The following LSAMP variants were observed in gnomAD, a reference collection of about 807,000 sequenced individuals.
LSAMP encodes limbic system associated membrane protein.
LSAMP carries 7 observed loss-of-function variants against 38.6 expected under a neutral mutation model. The observed-to-expected ratio is 0.18, with a 90% CI of 0.10 to 0.34. The LOEUF (loss-of-function observed/expected upper bound fraction) is 0.34. Ranked by LOEUF, LSAMP falls within the 10% of genes least tolerant of loss-of-function variation. The probability of loss-of-function intolerance (pLI) is 1.00; values close to 1 mark genes in which losing one functional copy is unlikely to be tolerated. For missense variants in LSAMP, 313 were observed against 420.0 expected, an observed-to-expected ratio of 0.75 and a Z score of 2.23; for synonymous variants, 154 against 166.8, an observed-to-expected ratio of 0.92 and a Z score of 0.59.
intron 1 of LSAMP, among the ~76,000 whole-genome samples, chr3:116,384,663 G>T (rs2048603060): frequency 6.6e-6 from 1 of 152,108 alleles, no homozygotes. Flanking sequence ...CTCAGTACAT[G>T]CAAACGTTCT....
rs551916102 is a variant in LSAMP, at chr3:115,851,858, C to T, written c.649+625G>A. Among the ~76,000 whole-genome samples the T allele has an allele frequency of 2.0e-5, 3 of 152,208 alleles. No individual in the cohort carries two copies. The South Asian group carries it at 6.2e-4, about 32-fold the overall frequency. ...CCCCCGCCCACCCTCTTTTGAACTA[C>T]ATCTAAGAATCCTTTCATCCGAGAA... On this transcript the variant is annotated intron_variant, in intron 4 of 6. Coordinates refer to ENST00000490035, the MANE Select transcript of LSAMP (RefSeq NM_002338.5).
chr3:116,017,100 T>C (rs1171024386), intron 3 of LSAMP, among the ~76,000 whole-genome samples: 2 of 152,144 alleles, frequency 1.3e-5, no homozygotes, highest in African/African-American at 4.8e-5. Flanking sequence ...AGTCACATGT[T>C]CATTATCATG....
At chr3:116,078,241 G>A (rs1040415404) in intron 2 of LSAMP, among the ~76,000 whole-genome samples, 46 of 151,238 alleles carry the variant, frequency 3.0e-4, no homozygotes, top group African/African-American at 1.1e-3. Context: ...CCTTCTATTA[G>A]TTAGCATTCT....
chr3:116,074,981 C>T (rs912350412), intron 2 of LSAMP, among the ~76,000 whole-genome samples: 2 of 151,250 alleles, frequency 1.3e-5, no homozygotes, highest in Admixed American at 6.6e-5. Context: ...GAATTACAGA[C>T]ATGTGCCACC....
chr3:116,419,655 C>A (rs1015284453), intron 1 of LSAMP, among the ~76,000 whole-genome samples: 3 of 151,932 alleles, frequency 2.0e-5, no homozygotes, highest in African/African-American at 4.8e-5. Flanking sequence ...TCAATAGGGA[C>A]AAGGCAGACT....
rs192328838 is a variant in LSAMP at position 116,255,869 on chromosome 3, T to G, written c.156-169313A>C. ...CCTATGCTAGAGGCAAAAACCACAC[T>G]TTAGTAGGAGATACTGCTGAGAGGT... On this transcript the variant is annotated intron_variant, in intron 1 of 6. Transcript: ENST00000490035. 8.9e-4 allele frequency among the ~76,000 whole-genome samples: 135 copies of G among 152,296 alleles called. 1 individual carries two copies. The highest frequency in any genetic ancestry group is 3.1e-3 in the African/African-American group (130 of 41,572).
intron 3 of LSAMP, among the ~76,000 whole-genome samples, chr3:115,939,566 T>TTCTTTCTTTCTTTCTTTCTTTC (rs1937831497): frequency 9.5e-6 from 1 of 105,686 alleles, no homozygotes; most frequent in Admixed American, 1.1e-4. Context: ...CTTTCTTTCT[T>TTCTTTCTTTCTTTCTTTCTTTC]TCTTTCTTTC....
chr3:116,138,410 A>C (rs1709297341), intron 1 of LSAMP, among the ~76,000 whole-genome samples: 1 of 152,112 alleles, frequency 6.6e-6, no homozygotes, highest in Admixed American at 6.6e-5. Flanking sequence ...ATATTAGGGA[A>C]ATAGTAGAAA....
intron 4 of LSAMP, among the ~76,000 whole-genome samples, chr3:115,848,872 G>T (rs974716224): frequency 3.3e-5 from 5 of 152,156 alleles, no homozygotes; most frequent in Non-Finnish European, 5.9e-5. Flanking sequence ...ATTTCTCCAG[G>T]AATAGGAAAA....
rs146390277 is a variant in LSAMP at position 115,871,135 on chromosome 3, T to C, written c.515-18518A>G. ...GAATAGTATTATTCCAAATTCACAG[T>C]AAATCTCTTTCTCATTTTATGCTGC... On this transcript the variant is annotated intron_variant, in intron 3 of 6. Coordinates refer to ENST00000490035, the MANE Select transcript of LSAMP (RefSeq NM_002338.5). Among the ~76,000 whole-genome samples the C allele has an allele frequency of 1.3e-3, 195 of 152,282 alleles. 2 individuals carry two copies. Among genetic ancestry groups the C allele is most frequent in the African/African-American group, 4.5e-3 (188 of 41,562 alleles).
intron 2 of LSAMP, among the ~76,000 whole-genome samples, chr3:116,050,468 A>C (rs1002262969): frequency 1.3e-5 from 2 of 152,122 alleles, no homozygotes; most frequent in Non-Finnish European, 2.9e-5. Context: ...CTCACCAAAA[A>C]AGCCCTGTAA....
chr3:116,257,811 G>C (rs72947956), intron 1 of LSAMP, among the ~76,000 whole-genome samples: 5,763 of 152,192 alleles, frequency 0.038, 364 homozygotes, highest in African/African-American at 0.13. Flanking sequence ...AGTTAAATCA[G>C]TGAATGGTTA....
At chr3:115,954,585 A>G (rs1173652005) in intron 3 of LSAMP, among the ~76,000 whole-genome samples, 6 of 152,232 alleles carry the variant, frequency 3.9e-5, no homozygotes, top group African/African-American at 1.4e-4. Context: ...TAGAGCATTC[A>G]TTTGCACTAA....
At chr3:116,121,029 A>T (rs1225132006) in intron 1 of LSAMP, among the ~76,000 whole-genome samples, 2 of 152,224 alleles carry the variant, frequency 1.3e-5, no homozygotes, top group African/African-American at 4.8e-5. Flanking sequence ...AAGAACACTC[A>T]GACTAGGGGC....
intron 2 of LSAMP, among the ~76,000 whole-genome samples, chr3:116,084,318 T>C (rs911244832): frequency 1.3e-5 from 2 of 151,562 alleles, no homozygotes; most frequent in Non-Finnish European, 2.9e-5. Context: ...CCTTGTGAGA[T>C]GGTCATGTTT....
chr3:116,356,003 T>C (rs2048218060), intron 1 of LSAMP, among the ~76,000 whole-genome samples: 1 of 152,172 alleles, frequency 6.6e-6, no homozygotes, highest in African/African-American at 2.4e-5. Flanking sequence ...ACAGCCACTA[T>C]GGAGAATAGT....
chr3:115,864,302 G>A (rs965827263), intron 3 of LSAMP, among the ~76,000 whole-genome samples: 3 of 152,130 alleles, frequency 2.0e-5, no homozygotes, highest in Non-Finnish European at 4.4e-5. Context: ...CAGTCAGATT[G>A]CACTCCAGTT....
intron 3 of LSAMP, among the ~76,000 whole-genome samples, chr3:115,950,826 A>T (rs1938262320): frequency 7.8e-6 from 1 of 127,406 alleles, no homozygotes; most frequent in Non-Finnish European, 1.7e-5. Flanking sequence ...AAAAAAAAAA[A>T]TCTGGAAGCA....
intron 1 of LSAMP, among the ~76,000 whole-genome samples, chr3:116,418,705 A>G (rs1158862940): frequency 6.6e-6 from 1 of 152,184 alleles, no homozygotes. Flanking sequence ...AGAAAGCTGA[A>G]CTTGGTATTC....
Sources: gnomAD v4.1 joint callset for allele counts (sites outside exome capture counted in the v4.1 genomes callset) on GRCh38, gnomAD v4.1.1 for gene constraint, MANE v1.5 for transcripts, NCBI Gene and HGNC (gene_info 2026-07-23, HGNC 2026-07-21) for gene names.